Variants in AGBL4 observed in about 807,000 individuals in gnomAD.
AGBL4 encodes AGBL carboxypeptidase 4, also known as cytosolic carboxypeptidase 6.
Under a neutral mutation model 66.4 loss-of-function variants are expected in AGBL4, and 58 were observed. The ratio of observed to expected loss-of-function variants is 0.87; its 90% CI spans 0.71 to 1.09. The LOEUF is 1.09. Ranked by LOEUF, AGBL4 falls within the 50% of genes least tolerant of loss-of-function variation. AGBL4 has a pLI of 0.00. For synonymous variants in AGBL4, 234 were observed against 222.9 expected, an observed-to-expected ratio of 1.05 and a Z score of -0.44; for missense variants, 579 against 631.0, an observed-to-expected ratio of 0.92 and a Z score of 0.88.
At chr1:48,853,293 C>T (rs1200439527) in intron 6 of AGBL4, among the ~76,000 whole-genome samples, 5 of 152,206 alleles carry the variant, frequency 3.3e-5, no homozygotes, top group Non-Finnish European at 7.3e-5. Context: ...TGGCTGACAT[C>T]TTAACTATAA....
At chr1:48,535,850 G>T (rs886289985) in intron 12 of AGBL4, among the ~76,000 whole-genome samples, 4 of 151,992 alleles carry the variant, frequency 2.6e-5, no homozygotes, top group African/African-American at 7.3e-5. Context: ...TAGTGTGAAG[G>T]GGTTGAAGTC....
chr1:49,176,663 G>A (rs1287775049), intron 4 of AGBL4, among the ~76,000 whole-genome samples: 1 of 151,922 alleles, frequency 6.6e-6, no homozygotes, highest in Admixed American at 6.6e-5. Context: ...TCTAATGAGA[G>A]TTATTTCTCA....
intron 2 of AGBL4, among the ~76,000 whole-genome samples, chr1:49,793,439 T>A (rs868736786): frequency 7.2e-4 from 110 of 152,048 alleles, no homozygotes; most frequent in African/African-American, 2.3e-3. Flanking sequence ...AAATAATCTG[T>A]TGGAGTAGAA....
chr1:49,496,768 C>T (rs1040638141), intron 3 of AGBL4, among the ~76,000 whole-genome samples: 5 of 145,470 alleles, frequency 3.4e-5, no homozygotes, highest in Admixed American at 1.4e-4. Flanking sequence ...ATTCATTCAT[C>T]GGCTGATAGA....
chr1:49,748,728 T>C (rs1651202323), intron 2 of AGBL4, among the ~76,000 whole-genome samples: 1 of 152,230 alleles, frequency 6.6e-6, no homozygotes. Flanking sequence ...TATTTCATTG[T>C]GGTTTTAATT....
chr1:49,249,719 G>A (rs1261267824), intron 3 of AGBL4, among the ~76,000 whole-genome samples: 1 of 152,128 alleles, frequency 6.6e-6, no homozygotes, highest in Non-Finnish European at 1.5e-5. Flanking sequence ...TCATCACTGG[G>A]CATTTATCCA....
chr1:49,637,309 TA>T (rs1645694213), intron 3 of AGBL4, among the ~76,000 whole-genome samples: 1 of 152,176 alleles, frequency 6.6e-6, no homozygotes, highest in Non-Finnish European at 1.5e-5. Context: ...TTTTTATTTT[TA>T]TTTTTTTTGA....
chr1:49,047,886 A>G (rs140895710), intron 4 of AGBL4, among the ~76,000 whole-genome samples: 3 of 152,200 alleles, frequency 2.0e-5, no homozygotes, highest in African/African-American at 7.2e-5. Context: ...AGGTCTGAAG[A>G]GGGAGAGGGA....
chr1:49,080,463 G>A (rs772537832), intron 4 of AGBL4, among the ~76,000 whole-genome samples: 2 of 152,178 alleles, frequency 1.3e-5, no homozygotes, highest in African/African-American at 2.4e-5. Context: ...GATCCCCAGT[G>A]AGGGAAATGA....
intron 5 of AGBL4, among the ~76,000 whole-genome samples, chr1:49,009,594 A>T (rs1662208005): frequency 6.6e-6 from 1 of 152,234 alleles, no homozygotes; most frequent in South Asian, 2.1e-4. Context: ...ATTTTAGACC[A>T]ATATCCTTGA....
intron 6 of AGBL4, among the ~76,000 whole-genome samples, chr1:48,802,473 A>T (rs1483489495): frequency 6.6e-6 from 1 of 152,138 alleles, no homozygotes; most frequent in Admixed American, 6.5e-5. Context: ...CATTTTAATC[A>T]TTCCTTTCCT....
chr1:50,002,327 GA>G, intron 1 of AGBL4, among the ~76,000 whole-genome samples: 1 of 143,350 alleles, frequency 7.0e-6, no homozygotes, highest in African/African-American at 2.7e-5. Flanking sequence ...GGTTTACTCC[GA>G]TTTATTTGAG....
chr1:49,841,633 A>G (rs1645992402), intron 2 of AGBL4, among the ~76,000 whole-genome samples: 1 of 152,168 alleles, frequency 6.6e-6, no homozygotes, highest in Admixed American at 6.5e-5. Context: ...TGGTGCTGGT[A>G]CTAAAACGGA....
intron 8 of AGBL4, among the ~76,000 whole-genome samples, chr1:48,650,447 TTCC>T: frequency 2.8e-5 from 1 of 36,250 alleles, no homozygotes; most frequent in African/African-American, 6.9e-5. Flanking sequence ...AGAACCAACC[TTCC>T]TTCCTTCCTT....
intron 4 of AGBL4, among the ~76,000 whole-genome samples, chr1:49,207,468 CTCTTTCTTTCT>C (rs1648253793): frequency 7.3e-5 from 1 of 13,706 alleles, no homozygotes; most frequent in East Asian, 0.014. Context: ...TTCTTTCTTT[CTCTTTCTTTCT>C]TTTTCTTTCT....
intron 9 of AGBL4, among the ~76,000 whole-genome samples, chr1:48,621,985 C>G (rs1292239323): frequency 6.6e-6 from 1 of 151,874 alleles, no homozygotes; most frequent in East Asian, 1.9e-4. Flanking sequence ...AATTCTGTGT[C>G]TTTCTACTCC....
intron 6 of AGBL4, among the ~76,000 whole-genome samples, chr1:48,696,916 G>C (rs1646721929): frequency 6.6e-6 from 1 of 152,126 alleles, no homozygotes; most frequent in Non-Finnish European, 1.5e-5. Context: ...CCTCCCTGAG[G>C]AAGCCCTTGC....
At chr1:49,497,196 C>T (rs1647679009) in intron 3 of AGBL4, among the ~76,000 whole-genome samples, 1 of 151,872 alleles carries the variant, frequency 6.6e-6, no homozygotes, top group African/African-American at 2.4e-5. Context: ...CTAATAGTAC[C>T]TTTGCCCATT....
intron 6 of AGBL4, among the ~76,000 whole-genome samples, chr1:48,749,366 A>G (rs1445868509): frequency 1.3e-5 from 2 of 152,158 alleles, no homozygotes; most frequent in African/African-American, 4.8e-5. Context: ...TGTCCTCCAT[A>G]CAGAACACTC....
Sources: gnomAD v4.1 joint callset for allele counts (sites outside exome capture counted in the v4.1 genomes callset) on GRCh38, gnomAD v4.1.1 for gene constraint, MANE v1.5 for transcripts, NCBI Gene and HGNC (gene_info 2026-07-23, HGNC 2026-07-21) for gene names.